The following CBFA2T2 variants were observed in gnomAD, a reference collection of about 807,000 sequenced individuals.
CBFA2T2 encodes CBFA2/RUNX1 partner transcriptional co-repressor 2.
CBFA2T2 carries 11 observed loss-of-function variants against 62.2 expected under a neutral mutation model. That is an observed-to-expected ratio of 0.18 (90% CI 0.11 to 0.29). The LOEUF is 0.29. CBFA2T2 is among the 10% of genes least tolerant of loss of function. The probability of loss-of-function intolerance (pLI) is 1.00; values close to 1 mark genes in which losing one functional copy is unlikely to be tolerated. For missense variants in CBFA2T2, 592 were observed against 774.1 expected (o/e 0.76, Z 2.79); for synonymous variants, 295 against 287.5 (o/e 1.03, Z -0.27).
chr20:33,491,868 A>C (rs1299764490), intron 1 of CBFA2T2, among the ~76,000 whole-genome samples: 1 of 151,668 alleles, frequency 6.6e-6, no homozygotes, highest in Admixed American at 6.6e-5. Flanking sequence ...CGCTCGGCCA[A>C]TTATTTTATT....
At chr20:33,642,333 G>A (rs1279082196) in intron 10 of CBFA2T2, among the ~76,000 whole-genome samples, 2 of 152,090 alleles carry the variant, frequency 1.3e-5, no homozygotes, top group East Asian at 1.9e-4. Context: ...TGGGCACAGT[G>A]GCCAATGCTT....
intron 1 of CBFA2T2, among the ~76,000 whole-genome samples, chr20:33,533,521 C>T (rs2012117687): frequency 6.6e-6 from 1 of 152,000 alleles, no homozygotes. Flanking sequence ...GAGTAGTATT[C>T]TGTTGTATGG....
intron 1 of CBFA2T2, among the ~76,000 whole-genome samples, chr20:33,532,690 C>T (rs1316337250): frequency 6.6e-6 from 1 of 152,208 alleles, no homozygotes; most frequent in Non-Finnish European, 1.5e-5. Context: ...GAGGATGTAT[C>T]TTGTCTGCAT....
At chr20:33,616,753 G>A (rs1477141462) in intron 3 of CBFA2T2, among the ~76,000 whole-genome samples, 3 of 151,976 alleles carry the variant, frequency 2.0e-5, no homozygotes, top group Middle Eastern at 3.4e-3. Flanking sequence ...TGTAAGCATT[G>A]GAGAAAGCTG....
At chr20:33,563,274 G>T (rs1013831993) in intron 1 of CBFA2T2, among the ~76,000 whole-genome samples, 1 of 152,030 alleles carries the variant, frequency 6.6e-6, no homozygotes, top group Non-Finnish European at 1.5e-5. Context: ...TGTGAGTTTG[G>T]GGTAGTTTTG....
At chr20:33,581,335 G>A (rs1258672513) in intron 1 of CBFA2T2, among the ~76,000 whole-genome samples, 2 of 152,082 alleles carry the variant, frequency 1.3e-5, no homozygotes, top group African/African-American at 4.8e-5. Flanking sequence ...GGAATGACAG[G>A]CATGAGCCAC....
At chr20:33,632,921 G>A (rs1413261572) in intron 8 of CBFA2T2, among the ~76,000 whole-genome samples, 1 of 152,016 alleles carries the variant, frequency 6.6e-6, no homozygotes, top group Non-Finnish European at 1.5e-5. Context: ...ACCACAGCCA[G>A]CTAATTTTTG....
At chr20:33,535,521 G>A (rs1184268777) in intron 1 of CBFA2T2, among the ~76,000 whole-genome samples, 1 of 151,074 alleles carries the variant, frequency 6.6e-6, no homozygotes, top group African/African-American at 2.4e-5. Flanking sequence ...AACCAGCTCA[G>A]TGGCTTAGCT....
intron 1 of CBFA2T2, among the ~76,000 whole-genome samples, chr20:33,589,329 T>C (rs1271282485): frequency 6.6e-6 from 1 of 152,226 alleles, no homozygotes; most frequent in Non-Finnish European, 1.5e-5. Context: ...TGGTAGTCCC[T>C]TACCCCCAAT....
chr20:33,500,637 A>T (rs184927357), intron 1 of CBFA2T2, among the ~76,000 whole-genome samples: 62 of 152,232 alleles, frequency 4.1e-4, no homozygotes, highest in Middle Eastern at 3.4e-3. Flanking sequence ...TGAACCTGGG[A>T]GGCAGAGGTT....
intron 10 of CBFA2T2, among the ~76,000 whole-genome samples, chr20:33,641,886 A>G (rs1054940619): frequency 2.0e-4 from 30 of 151,622 alleles, no homozygotes; most frequent in Non-Finnish European, 1.0e-4. Flanking sequence ...TTTTTTTAAC[A>G]AACAATAGAA....
At chr20:33,506,791 T>A (rs2011411242) in intron 1 of CBFA2T2, among the ~76,000 whole-genome samples, 1 of 152,192 alleles carries the variant, frequency 6.6e-6, no homozygotes, top group South Asian at 2.1e-4. Flanking sequence ...CCAGAGCCAC[T>A]GAGCACTTAG....
At position 33,624,791 on chromosome 20, in the gene CBFA2T2, C is replaced by A. The variant is rs1259666556; in HGVS notation, c.720C>A (p.Asp240Glu). The A allele has an allele frequency of 6.2e-7, 1 of 1,614,170 alleles. No individual in the cohort carries two copies. Among genetic ancestry groups the A allele is most frequent in the South Asian group, 1.1e-5 (1 of 91,086 alleles). ...ERREENSFDR[D>E]TIAPEPPAKR... is the part of the protein sequence containing the mutation. ...GAGAAGAGAATAGTTTTGATAGAGA[C>A]ACAATTGCTCCTGAGCCTCCTGCCA... The change falls in exon 6 of 11, where the codon GAC (aspartate) becomes GAA (glutamate). Residue 240 changes from aspartate to glutamate, a missense_variant. Physicochemically the swap from Asp to Glu is conservative, Grantham distance 45. Transcript: ENST00000342704.
chr20:33,603,680 T>G (rs2015228976), intron 1 of CBFA2T2, among the ~76,000 whole-genome samples: 1 of 152,198 alleles, frequency 6.6e-6, no homozygotes, highest in South Asian at 2.1e-4. Context: ...CAATGGTGTT[T>G]ATGGACTTAA....
rs560058078 is a variant in CBFA2T2, at chr20:33,511,573, GA to G, written c.34+21278del. Among the ~76,000 whole-genome samples, 842 of 152,242 alleles carry G rather than the reference GA, an allele frequency of 5.5e-3. 7 individuals are homozygous for G. The highest frequency in any genetic ancestry group is 0.019 in the African/African-American group (809 of 41,564). On this transcript the variant is annotated intron_variant, in intron 1 of 10. Coordinates refer to ENST00000342704, the MANE Select transcript of CBFA2T2 (RefSeq NM_001032999.3). ...GGTTTATGTAAAGAGAAAAGTAACA[GA>G]AAAAAGGCTGTCTTCCAAAAGGATT...
At position 33,591,179 on chromosome 20, in the gene CBFA2T2, C is replaced by CAAAAAA. The variant is rs80021195; in HGVS notation, c.35-15772_35-15767dup. 4.4e-4 allele frequency among the ~76,000 whole-genome samples: 36 copies of CAAAAAA among 82,044 alleles called. 1 individual carries two copies. Among genetic ancestry groups the CAAAAAA allele is most frequent in the African/African-American group, 2.4e-3 (34 of 14,108 alleles). 53.8% of individuals were successfully genotyped at this position (82,044 alleles called of 152,430 possible). On this transcript the variant is annotated intron_variant, in intron 1 of 10. Coordinates refer to ENST00000342704, the MANE Select transcript of CBFA2T2 (RefSeq NM_001032999.3). ...GGGCAACAAGAGTGAAACTCCCTCT[C>CAAAAAA]AAAAAAAAAAGTACTGATGAATAGC...
At chr20:33,635,234 A>G (rs34489266) in intron 8 of CBFA2T2, among the ~76,000 whole-genome samples, 44,822 of 152,116 alleles carry the variant, frequency 0.29, 6,785 homozygotes, top group East Asian at 0.36. Flanking sequence ...TACTTAACCA[A>G]AACAATTAAG....
intron 1 of CBFA2T2, among the ~76,000 whole-genome samples, chr20:33,599,588 C>CA (rs2015034495): frequency 7.1e-6 from 1 of 141,440 alleles, no homozygotes; most frequent in Non-Finnish European, 1.5e-5. Context: ...GGTAATTTCC[C>CA]TTTTTTTTTT....
rs781709547 is a variant in CBFA2T2 at position 33,644,443 on chromosome 20, C to T, written c.1585C>T (p.Arg529Trp). The T allele has an allele frequency of 2.5e-6, 4 of 1,614,190 alleles. No homozygotes were observed. The highest frequency in any genetic ancestry group is 1.7e-5 in the Admixed American group (1 of 60,026). ...TTTCTGCCAGCACAAGGACTGGGAG[C>T]GGCACCACCGCCTCTGTGGTCAGAA... The part of the protein sequence containing the change: ...GSFCQHKDWE[R>W]HHRLCGQNLH... The change falls in exon 11 of 11, where the codon CGG (arginine) becomes TGG (tryptophan). Residue 529 changes from arginine (R) to tryptophan (W), a missense_variant. Physicochemically the swap from Arg to Trp is moderately radical, Grantham distance 101 (BLOSUM62 -3). Coordinates refer to ENST00000342704, the MANE Select transcript of CBFA2T2 (RefSeq NM_001032999.3).
Sources: allele counts gnomAD v4.1 joint callset (sites outside exome capture counted in the v4.1 genomes callset), GRCh38; gene constraint gnomAD v4.1.1; transcripts MANE v1.5; gene names NCBI Gene and HGNC (gene_info 2026-07-23, HGNC 2026-07-21).